LRRC4C: variants seen among roughly 807,000 people sequenced by gnomAD.
LRRC4C encodes leucine rich repeat containing 4C.
In LRRC4C, 5 loss-of-function variants were observed where a neutral mutation model predicts 33.6. The observed-to-expected ratio is 0.15, with a 90% CI of 0.08 to 0.31. The LOEUF (loss-of-function observed/expected upper bound fraction) is 0.31, where lower values mean the gene tolerates loss of function less well. Among genes scored for constraint, LRRC4C ranks in the 10% least tolerant of loss-of-function variants. LRRC4C has a pLI of 1.00. For synonymous variants in LRRC4C, 329 were observed against 302.0 expected (o/e 1.09, Z -0.93); for missense variants, 560 against 796.7 (o/e 0.70, Z 3.58).
At chr11:41,282,002 TGGTGGATGTGTGATGTGTGG>T (rs1949691888) in intron 1 of LRRC4C, among the ~76,000 whole-genome samples, 1 of 152,186 alleles carries the variant, frequency 6.6e-6, no homozygotes, top group Non-Finnish European at 1.5e-5. Context: ...TTAGAGGCCT[TGGTGGATGTGTGATGTGTGG>T]GGTGGATGGA....
At chr11:40,440,299 C>CTTTTTTTTTTTTTTTTTATTTTTT (rs1951334925) in intron 3 of LRRC4C, among the ~76,000 whole-genome samples, 1 of 131,872 alleles carries the variant, frequency 7.6e-6, no homozygotes, top group Non-Finnish European at 1.6e-5. Context: ...TGGTCTCTTT[C>CTTTTTTTTTTTTTTTTTATTTTTT]TTTTTTTTTT....
intron 4 of LRRC4C, among the ~76,000 whole-genome samples, chr11:40,285,608 T>G (rs1943783293): frequency 6.6e-6 from 1 of 152,228 alleles, no homozygotes; most frequent in South Asian, 2.1e-4. Context: ...GCCTAAGTCT[T>G]TCTTAGAAGT....
chr11:41,446,506 G>A (rs1955831915), intron 1 of LRRC4C, among the ~76,000 whole-genome samples: 1 of 151,936 alleles, frequency 6.6e-6, no homozygotes, highest in East Asian at 1.9e-4. Context: ...AGGGGACTGA[G>A]AGAGTTGTGG....
intron 1 of LRRC4C, among the ~76,000 whole-genome samples, chr11:41,316,272 A>AAC (rs1301208914): frequency 1.3e-5 from 2 of 149,932 alleles, no homozygotes; most frequent in Admixed American, 6.7e-5. Flanking sequence ...CAAAAAAAAA[A>AAC]AAAAAAACAA....
chr11:40,382,348 C>CT (rs917365984), intron 3 of LRRC4C, among the ~76,000 whole-genome samples: 7 of 150,922 alleles, frequency 4.6e-5, no homozygotes, highest in Admixed American at 4.0e-4. Flanking sequence ...TGGCCTTTTC[C>CT]TTTTTTTAAA....
chr11:40,730,272 C>T (rs1026386826), intron 2 of LRRC4C, among the ~76,000 whole-genome samples: 2 of 152,170 alleles, frequency 1.3e-5, no homozygotes, highest in South Asian at 2.1e-4. Context: ...TAAAAAAAAA[C>T]TTCAAATATT....
At chr11:40,607,044 A>C (rs1392604995) in intron 3 of LRRC4C, among the ~76,000 whole-genome samples, 1 of 152,226 alleles carries the variant, frequency 6.6e-6, no homozygotes, top group African/African-American at 2.4e-5. Flanking sequence ...GCAAGAAAGA[A>C]GTGGAATTAT....
At chr11:40,470,036 G>A (rs1952849462) in intron 3 of LRRC4C, among the ~76,000 whole-genome samples, 1 of 152,196 alleles carries the variant, frequency 6.6e-6, no homozygotes. Context: ...GCTCTGCTAA[G>A]GGACAGACTG....
intron 3 of LRRC4C, among the ~76,000 whole-genome samples, chr11:40,570,463 A>G (rs1401262013): frequency 1.3e-5 from 2 of 152,160 alleles, no homozygotes; most frequent in African/African-American, 4.8e-5. Flanking sequence ...CAGATACACT[A>G]TGAGGACTGG....
chr11:41,022,142 T>TTTTTTA (rs1555043562), intron 1 of LRRC4C, among the ~76,000 whole-genome samples: 12 of 139,080 alleles, frequency 8.6e-5, no homozygotes, highest in African/African-American at 1.9e-4. Flanking sequence ...CAATTTTGTT[T>TTTTTTA]TATATATATA....
At chr11:41,401,641 G>A (rs1379072598) in intron 1 of LRRC4C, among the ~76,000 whole-genome samples, 2 of 151,944 alleles carry the variant, frequency 1.3e-5, no homozygotes, top group Non-Finnish European at 2.9e-5. Flanking sequence ...TAACCGGGAA[G>A]AGACCTGATT....
intron 3 of LRRC4C, among the ~76,000 whole-genome samples, chr11:40,580,708 G>C (rs1207544890): frequency 1.3e-5 from 2 of 152,132 alleles, no homozygotes; most frequent in East Asian, 3.9e-4. Flanking sequence ...ATCAGGAATA[G>C]CTCATTACTT....
chr11:40,851,412 T>TC (rs1438366526), intron 2 of LRRC4C, among the ~76,000 whole-genome samples: 1 of 152,012 alleles, frequency 6.6e-6, no homozygotes, highest in Non-Finnish European at 1.5e-5. Flanking sequence ...CCCTTGTGCT[T>TC]CCCGGGTGAG....
chr11:40,771,788 G>A (rs1165840033), intron 2 of LRRC4C, among the ~76,000 whole-genome samples: 1 of 152,018 alleles, frequency 6.6e-6, no homozygotes, highest in Non-Finnish European at 1.5e-5. Flanking sequence ...ATCTCCCTCT[G>A]AGACCACCTC....
intron 1 of LRRC4C, among the ~76,000 whole-genome samples, chr11:41,103,066 G>A (rs913051726): frequency 6.6e-6 from 1 of 151,646 alleles, no homozygotes; most frequent in Non-Finnish European, 1.5e-5. Context: ...TTTAAAAAAA[G>A]CATTATTATA....
chr11:41,011,471 T>G (rs1855172876), intron 1 of LRRC4C, among the ~76,000 whole-genome samples: 1 of 152,188 alleles, frequency 6.6e-6, no homozygotes, highest in Non-Finnish European at 1.5e-5. Flanking sequence ...TTCTGCAACT[T>G]TTATTCTACT....
chr11:40,882,182 A>G (rs1247591263), intron 2 of LRRC4C, among the ~76,000 whole-genome samples: 1 of 151,960 alleles, frequency 6.6e-6, no homozygotes, highest in African/African-American at 2.4e-5. Flanking sequence ...TAGCAGGCCT[A>G]AGCTTGCTGC....
intron 2 of LRRC4C, among the ~76,000 whole-genome samples, chr11:40,695,345 A>T (rs958874955): frequency 1.1e-4 from 16 of 152,106 alleles, no homozygotes; most frequent in Admixed American, 3.3e-4. Context: ...TTTGTGTATT[A>T]TCTTTCTTTG....
chr11:40,847,507 G>A (rs576739379), intron 2 of LRRC4C, among the ~76,000 whole-genome samples: 12 of 152,232 alleles, frequency 7.9e-5, no homozygotes, highest in South Asian at 6.2e-4. Flanking sequence ...TGACTTGATC[G>A]TGGTGGATAA....
Sources: gnomAD v4.1 joint callset for allele counts (sites outside exome capture counted in the v4.1 genomes callset) on GRCh38, gnomAD v4.1.1 for gene constraint, MANE v1.5 for transcripts, NCBI Gene and HGNC (gene_info 2026-07-23, HGNC 2026-07-21) for gene names.